Variants in TG observed in about 807,000 individuals in gnomAD.
TG encodes the protein thyroglobulin.
A neutral mutation model predicts 324.7 loss-of-function variants in TG; 270 were observed. The ratio of observed to expected loss-of-function variants is 0.83; its 90% CI spans 0.75 to 0.92. The LOEUF (loss-of-function observed/expected upper bound fraction) is 0.92, where lower values mean the gene tolerates loss of function less well. Among genes scored for constraint, TG ranks in the 40% least tolerant of loss-of-function variants. The probability of loss-of-function intolerance (pLI) is 0.00; values close to 1 mark genes in which losing one functional copy is unlikely to be tolerated. For synonymous variants in TG, 1,401 were observed against 1,327.0 expected, an observed-to-expected ratio of 1.06 and a Z score of -1.21; for missense variants, 3,591 against 3,456.4, an observed-to-expected ratio of 1.04 and a Z score of -0.98.
At chr8:132,995,166 A>G (rs1564054415) in intron 35 of TG, 8 of 967,322 alleles carry the variant, frequency 8.3e-6, no homozygotes, top group Non-Finnish European at 7.3e-6. Flanking sequence ...CTCTATGAAT[A>G]ACCTAGGGAA....
intron 35 of TG, among the ~76,000 whole-genome samples, chr8:132,992,614 G>A (rs892502741): frequency 6.6e-6 from 1 of 152,186 alleles, no homozygotes; most frequent in Non-Finnish European, 1.5e-5. Context: ...CACTGTGGAG[G>A]GTGCTGTGGG....
At chr8:132,947,621 G>A (rs1825505523) in intron 26 of TG, among the ~76,000 whole-genome samples, 1 of 117,544 alleles carries the variant, frequency 8.5e-6, no homozygotes, top group Non-Finnish European at 1.7e-5. Context: ...TAGGAGTTGT[G>A]GGATAATATA....
At chr8:132,879,784 T>G (rs938955226) in intron 5 of TG, among the ~76,000 whole-genome samples, 1 of 152,074 alleles carries the variant, frequency 6.6e-6, no homozygotes, top group African/African-American at 2.4e-5. Flanking sequence ...CAAAAAACAC[T>G]GGTAGGTCCA....
chr8:133,044,971 G>T lies in TG; in HGVS notation c.7239+14948G>T, dbSNP rs1444502999. On this transcript the variant is annotated intron_variant, in intron 41 of 47. Coordinates refer to ENST00000220616, the MANE Select transcript of TG (RefSeq NM_003235.5). ...CCCACCATCACAATCACTCCATATTGTATGTCTCTTACCAGAATAGTGGTT... is the reference window on the plus strand; with the variant it reads ...CCCACCATCACAATCACTCCATATTTTATGTCTCTTACCAGAATAGTGGTT... 1.9e-6 allele frequency: 3 copies of T among 1,613,994 alleles called. No individual in the cohort carries two copies. In the South Asian group the frequency reaches 3.3e-5, roughly 18 times the overall value.
intron 41 of TG, among the ~76,000 whole-genome samples, chr8:133,053,504 C>T (rs1840804804): frequency 6.6e-6 from 1 of 152,140 alleles, no homozygotes; most frequent in Non-Finnish European, 1.5e-5. Flanking sequence ...TTGTGGGAGG[C>T]AGCTGGGTAG....
intron 22 of TG, among the ~76,000 whole-genome samples, chr8:132,925,854 C>T (rs1821796266): frequency 6.6e-6 from 1 of 152,064 alleles, no homozygotes; most frequent in Admixed American, 6.6e-5. Flanking sequence ...TGTATTCTGC[C>T]CAGTGTTCAG....
At chr8:133,106,464 A>G (rs1183171072) in intron 43 of TG, 3 of 985,220 alleles carry the variant, frequency 3.0e-6, no homozygotes, top group Non-Finnish European at 3.6e-6. Flanking sequence ...CGCCTGAAGC[A>G]AAAAAGCAAA....
At chr8:133,011,813 G>A in intron 35 of TG, 88 bp from the exon 36 acceptor site, 4 of 1,583,924 alleles carry the variant, frequency 2.5e-6, no homozygotes, top group Non-Finnish European at 3.5e-6. Flanking sequence ...CCCTAAGGCT[G>A]CCTTTGGGGA....
intron 41 of TG, among the ~76,000 whole-genome samples, chr8:133,033,273 C>T (rs1259669215): frequency 6.6e-6 from 1 of 152,194 alleles, no homozygotes; most frequent in African/African-American, 2.4e-5. Flanking sequence ...AATCAAGCTC[C>T]TTCTTCCCTC....
chr8:133,032,825 T>G (rs1487294869), intron 41 of TG, among the ~76,000 whole-genome samples: 2 of 152,250 alleles, frequency 1.3e-5, no homozygotes, highest in Non-Finnish European at 2.9e-5. Context: ...TCAGCACATT[T>G]GAGACCACAA....
intron 43 of TG, chr8:133,102,467 C>T: frequency 8.3e-7 from 1 of 1,205,504 alleles, no homozygotes; most frequent in South Asian, 1.3e-5. Flanking sequence ...CCATCAAGTC[C>T]CTCTGAAGAC....
At chr8:133,091,467 G>A (rs1031818835) in intron 41 of TG, among the ~76,000 whole-genome samples, 3 of 152,124 alleles carry the variant, frequency 2.0e-5, no homozygotes, top group Non-Finnish European at 4.4e-5. Context: ...TGCCCACCCC[G>A]CTTCTTGTTG....
intron 15 of TG, 118 bp downstream of exon 15, chr8:132,900,457 G>A: frequency 1.1e-6 from 1 of 904,410 alleles, no homozygotes; most frequent in Non-Finnish European, 1.8e-6. Context: ...TGGGGGCACA[G>A]CTGCTGACCT....
intron 23 of TG, among the ~76,000 whole-genome samples, chr8:132,932,682 A>G (rs1029330836): frequency 6.6e-6 from 1 of 152,218 alleles, no homozygotes; most frequent in African/African-American, 2.4e-5. Context: ...CTTCATGCCT[A>G]TCACACAGTG....
rs747758466 is a variant in TG, at chr8:132,901,526, G to A, written c.3607G>A (p.Val1203Met). The change falls in exon 16 of 48, where the codon GTG (valine) becomes ATG (methionine). Residue 1203 changes from valine (V) to methionine (M), a missense_variant. Transcript: ENST00000220616. ...DSGEEVPGTR[V>M]TGGQPACESP... ...CGGAGAAGAGGTGCCTGGGACGCGCGTGACCGGGGGCCAGCCCGCCTGTGA... is the reference window on the plus strand; with the variant it reads ...CGGAGAAGAGGTGCCTGGGACGCGCATGACCGGGGGCCAGCCCGCCTGTGA... 3.7e-6 allele frequency: 6 copies of A among 1,613,496 alleles called. No individual in the cohort carries two copies. In the Admixed American group the frequency reaches 8.3e-5, roughly 22 times the overall value.
Position 132,935,632 on chromosome 8 carries a change from A to G in TG, c.4933-124A>G, listed in dbSNP as rs1233584047. On this transcript the variant is annotated intron_variant, in intron 24 of 47. Transcript: ENST00000220616. Reference sequence around the variant, plus strand: ...CTTACACATCTGTCTCCTCCAATAGACCAGGAGCAACTAACTTACCTTTGT... The same window carrying G: ...CTTACACATCTGTCTCCTCCAATAGGCCAGGAGCAACTAACTTACCTTTGT... 3.7e-6 allele frequency: 3 copies of G among 813,458 alleles called. No individual in the cohort carries two copies. In the East Asian group the frequency reaches 7.9e-5, roughly 21 times the overall value. The allele number at this position is 813,458 out of a possible 1,614,324, so 50.4% of individuals were successfully genotyped here. A position where few individuals can be genotyped will look rare whatever the true frequency, so the allele number is the denominator to read the frequency against.
intron 44 of TG, among the ~76,000 whole-genome samples, chr8:133,115,206 A>T (rs968898387): frequency 2.6e-5 from 4 of 151,862 alleles, no homozygotes; most frequent in African/African-American, 9.7e-5. Flanking sequence ...AGACTGAGGG[A>T]AGGCAATATC....
chr8:133,015,219 A>G (rs1165690141), intron 37 of TG, among the ~76,000 whole-genome samples: 1 of 152,144 alleles, frequency 6.6e-6, no homozygotes, highest in Non-Finnish European at 1.5e-5. Context: ...ATGACTTAAC[A>G]TTGAGGTTTG....
intron 5 of TG, among the ~76,000 whole-genome samples, chr8:132,880,459 C>A (rs1814494229): frequency 6.6e-6 from 1 of 152,004 alleles, no homozygotes; most frequent in East Asian, 1.9e-4. Context: ...TTATTATATA[C>A]CCCCTACCTC....
Sources: allele counts gnomAD v4.1 joint callset (sites outside exome capture counted in the v4.1 genomes callset), GRCh38; gene constraint gnomAD v4.1.1; transcripts MANE v1.5; gene names NCBI Gene and HGNC (gene_info 2026-07-23, HGNC 2026-07-21).